The following PLCB1 variants were observed in gnomAD, a reference collection of about 807,000 sequenced individuals.
PLCB1 encodes phospholipase C beta 1.
Under a neutral mutation model 161.8 loss-of-function variants are expected in PLCB1, and 46 were observed. That is an observed-to-expected ratio of 0.28 (90% confidence interval 0.22 to 0.36). The LOEUF is 0.36. Among genes scored for constraint, PLCB1 ranks in the 10% least tolerant of loss-of-function variants. PLCB1 has a pLI of 1.00. For missense variants in PLCB1, 1,016 were observed against 1,472.5 expected (o/e 0.69, Z 5.07); for synonymous variants, 517 against 503.7 (o/e 1.03, Z -0.35).
At chr20:8,185,487 A>G (rs1050862713) in intron 2 of PLCB1, among the ~76,000 whole-genome samples, 7 of 152,150 alleles carry the variant, frequency 4.6e-5, no homozygotes, top group Middle Eastern at 6.9e-3. Flanking sequence ...GAAGATTTCT[A>G]AGGTATGTTG....
At chr20:8,157,055 A>G (rs1049489230) in intron 2 of PLCB1, among the ~76,000 whole-genome samples, 2 of 152,200 alleles carry the variant, frequency 1.3e-5, no homozygotes, top group South Asian at 4.1e-4. Context: ...TTGATCTGAA[A>G]CATTGAAGCT....
chr20:8,708,554 A>T lies in PLCB1; in HGVS notation c.1168-116A>T, dbSNP rs1978819067. 4.5e-6 allele frequency: 3 copies of T among 664,856 alleles called. No homozygotes were observed. The Admixed American group carries it at 7.7e-5, about 17-fold the overall frequency. 41.2% of individuals were successfully genotyped at this position (664,856 alleles called of 1,614,324 possible). On this transcript the variant is annotated intron_variant, in intron 11 of 31. Transcript: ENST00000338037. ...AAATCCCTTCTAGCCATTTCAGGCC[A>T]TTCGATACAATTCTCTGAATGGAAA...
At chr20:8,499,579 G>A (rs1376747347) in intron 3 of PLCB1, among the ~76,000 whole-genome samples, 1 of 152,128 alleles carries the variant, frequency 6.6e-6, no homozygotes, top group Non-Finnish European at 1.5e-5. Flanking sequence ...TTTGGTTGTT[G>A]TTTAAATTTA....
intron 3 of PLCB1, among the ~76,000 whole-genome samples, chr20:8,504,604 C>A (rs953094316): frequency 1.3e-5 from 2 of 151,956 alleles, no homozygotes; most frequent in African/African-American, 4.8e-5. Flanking sequence ...TTTCTTTGTT[C>A]TTGTTTTCTT....
chr20:8,569,719 C>T lies in PLCB1; in HGVS notation c.247-58575C>T, dbSNP rs531081439. On this transcript the variant is annotated intron_variant, in intron 3 of 31. Coordinates refer to ENST00000338037, the MANE Select transcript of PLCB1 (RefSeq NM_015192.4). Reference sequence around the variant, plus strand: ...GTAAGTATTAGCATGAAAATAAATGCTTATACTGTAACAATAAGTAGAAAA... The same window carrying T: ...GTAAGTATTAGCATGAAAATAAATGTTTATACTGTAACAATAAGTAGAAAA... Among the ~76,000 whole-genome samples, 4 of 152,180 alleles carry T rather than the reference C, an allele frequency of 2.6e-5. No individual in the cohort carries two copies. In the South Asian group the frequency reaches 8.3e-4, roughly 32 times the overall value.
chr20:8,137,282 T>G (rs547515446), intron 1 of PLCB1, among the ~76,000 whole-genome samples: 13 of 152,128 alleles, frequency 8.5e-5, no homozygotes, highest in Admixed American at 2.0e-4. Flanking sequence ...ACAAGATTAA[T>G]GAGAGAGCAG....
intron 1 of PLCB1, among the ~76,000 whole-genome samples, chr20:8,147,836 G>A (rs2123027658): frequency 6.6e-6 from 1 of 151,712 alleles, no homozygotes; most frequent in East Asian, 1.9e-4. Context: ...AAACTAGGCA[G>A]CATAGAACAG....
intron 2 of PLCB1, among the ~76,000 whole-genome samples, chr20:8,234,553 A>G (rs1438885276): frequency 6.6e-6 from 1 of 152,100 alleles, no homozygotes. Flanking sequence ...CAACTGTGAA[A>G]TTTCCACGTC....
chr20:8,380,046 T>C (rs2122382000), intron 3 of PLCB1, among the ~76,000 whole-genome samples: 1 of 152,338 alleles, frequency 6.6e-6, no homozygotes, highest in Non-Finnish European at 1.5e-5. Flanking sequence ...CACATACCTA[T>C]GTCCTGAATG....
At chr20:8,717,153 T>C (rs1027626701) in intron 13 of PLCB1, among the ~76,000 whole-genome samples, 1 of 152,216 alleles carries the variant, frequency 6.6e-6, no homozygotes, top group African/African-American at 2.4e-5. Flanking sequence ...TGAAGCCACC[T>C]CATCCACTTC....
At chr20:8,439,003 G>GCT (rs1362647573) in intron 3 of PLCB1, among the ~76,000 whole-genome samples, 2 of 152,116 alleles carry the variant, frequency 1.3e-5, no homozygotes, top group African/African-American at 4.8e-5. Flanking sequence ...TCAGCGACGT[G>GCT]CTCTCGTAAG....
Position 8,176,547 on chromosome 20 carries a change from G to A in PLCB1, c.177+26176G>A, listed in dbSNP as rs574996547. The stretch of plus-strand genomic sequence containing the variant: ...CAACATGAGGAATGCTTGTGGTGAC[G>A]ATACTGTTCTATATCTTGACTGTGG... On this transcript the variant is annotated intron_variant, in intron 2 of 31. Coordinates refer to ENST00000338037, the MANE Select transcript of PLCB1 (RefSeq NM_015192.4). Among the ~76,000 whole-genome samples, 6 of 152,280 alleles carry A rather than the reference G, an allele frequency of 3.9e-5. No individual in the cohort carries two copies. In the South Asian group the frequency reaches 1.0e-3, roughly 26 times the overall value.
At chr20:8,758,677 A>AT (rs1981864319) in intron 24 of PLCB1, among the ~76,000 whole-genome samples, 2 of 152,236 alleles carry the variant, frequency 1.3e-5, no homozygotes, top group South Asian at 4.1e-4. Flanking sequence ...TATATACCAA[A>AT]TACAAACATC....
At chr20:8,628,177 A>T in intron 3 of PLCB1, 117 bp from the exon 4 acceptor site, 1 of 797,000 alleles carries the variant, frequency 1.3e-6, no homozygotes, top group Non-Finnish European at 2.0e-6. Context: ...ACAATTTTCT[A>T]GTAAGAATAA....
chr20:8,831,954 C>G (rs1986024087), intron 31 of PLCB1, among the ~76,000 whole-genome samples: 11 of 92,716 alleles, frequency 1.2e-4, no homozygotes, highest in African/African-American at 3.3e-4. Flanking sequence ...TTCTTTCTTT[C>G]TTTCTTTCTT....
chr20:8,412,868 A>G (rs927597811), intron 3 of PLCB1, among the ~76,000 whole-genome samples: 5 of 151,658 alleles, frequency 3.3e-5, no homozygotes, highest in Middle Eastern at 3.4e-3. Flanking sequence ...AACGATGCCT[A>G]TATTTGGGTT....
At position 8,821,493 on chromosome 20, in the gene PLCB1, A is replaced by T. The variant is rs1401666157; in HGVS notation, c.3423+31232A>T. On this transcript the variant is annotated intron_variant, in intron 31 of 31. Coordinates refer to ENST00000338037, the MANE Select transcript of PLCB1 (RefSeq NM_015192.4). ...ATTCCGTCTCAAAAAAAAAAAAAAA[A>T]AAAATATGTATATATATATATATAT... Among the ~76,000 whole-genome samples, 158 of 33,278 alleles carry T rather than the reference A, an allele frequency of 4.7e-3. 27 individuals are homozygous for T. The highest frequency in any genetic ancestry group is 0.025 in the African/African-American group (153 of 6,208). The allele number at this position is 33,278 out of a possible 152,430, so 21.8% of individuals were successfully genotyped here.
chr20:8,620,793 G>A (rs1363845468), intron 3 of PLCB1, among the ~76,000 whole-genome samples: 2 of 148,358 alleles, frequency 1.3e-5, no homozygotes, highest in African/African-American at 5.0e-5. Flanking sequence ...ACAGAATACA[G>A]GCTGTCTGCT....
At chr20:8,497,161 AT>A (rs1184044949) in intron 3 of PLCB1, among the ~76,000 whole-genome samples, 4 of 152,166 alleles carry the variant, frequency 2.6e-5, no homozygotes, top group African/African-American at 9.6e-5. Flanking sequence ...AAATGCACAA[AT>A]TTTTACTTAG....
Sources: gnomAD v4.1 joint callset for allele counts (sites outside exome capture counted in the v4.1 genomes callset) on GRCh38, gnomAD v4.1.1 for gene constraint, MANE v1.5 for transcripts, NCBI Gene and HGNC (gene_info 2026-07-23, HGNC 2026-07-21) for gene names.